Variants in FRMD4A observed in about 807,000 individuals in gnomAD.
The protein encoded by FRMD4A is FERM domain containing 4A.
Under a neutral mutation model 129.1 loss-of-function variants are expected in FRMD4A, and 29 were observed. That is an observed-to-expected ratio of 0.22 (90% CI 0.17 to 0.31). The LOEUF (loss-of-function observed/expected upper bound fraction) is 0.31. FRMD4A is among the 10% of genes least tolerant of loss of function. The probability of loss-of-function intolerance (pLI) is 1.00; values close to 1 mark genes in which losing one functional copy is unlikely to be tolerated. For synonymous variants in FRMD4A, 634 were observed against 571.6 expected (o/e 1.11, Z -1.56); for missense variants, 1,272 against 1,375.8 (o/e 0.92, Z 1.19).
At chr10:13,689,592 C>T (rs1468084513) in intron 15 of FRMD4A, among the ~76,000 whole-genome samples, 2 of 147,124 alleles carry the variant, frequency 1.4e-5, no homozygotes, top group Non-Finnish European at 3.0e-5. Context: ...CACTCTGTCA[C>T]CTAGGCTGTT....
chr10:14,126,403 T>G (rs184917266), intron 2 of FRMD4A, among the ~76,000 whole-genome samples: 128 of 152,234 alleles, frequency 8.4e-4, no homozygotes, highest in African/African-American at 2.8e-3. Context: ...TCTCTTGACC[T>G]TGTGATCCAC....
At chr10:14,065,912 C>T (rs1466555518) in intron 2 of FRMD4A, among the ~76,000 whole-genome samples, 1 of 152,062 alleles carries the variant, frequency 6.6e-6, no homozygotes, top group African/African-American at 2.4e-5. Flanking sequence ...GGGGTCCTAG[C>T]CCCCTGTTAT....
intron 2 of FRMD4A, among the ~76,000 whole-genome samples, chr10:14,309,684 T>C (rs1846473411): frequency 6.6e-6 from 1 of 152,016 alleles, no homozygotes; most frequent in Non-Finnish European, 1.5e-5. Flanking sequence ...CCTGCCTCCA[T>C]ATCTAACAGT....
In FRMD4A at chr10:14,055,457, ACACAAACACACACAC is replaced by A. The variant is rs1834472621; in HGVS notation, c.46-196560_46-196546del. The stretch of plus-strand genomic sequence containing the variant: ...TCTAGCTACACACACACACACACAC[ACACAAACACACACAC>A]ACACACACACACACACACACACACA... On this transcript the variant is annotated intron_variant, in intron 2 of 24. Transcript: ENST00000357447. Among the ~76,000 whole-genome samples, 5 of 105,444 alleles carry A rather than the reference ACACAAACACACACAC, an allele frequency of 4.7e-5. No homozygotes were observed. In the East Asian group the frequency reaches 1.4e-3, roughly 30 times the overall value. 69.2% of individuals were successfully genotyped at this position (105,444 alleles called of 152,430 possible).
intron 2 of FRMD4A, among the ~76,000 whole-genome samples, chr10:14,082,064 G>C (rs927290573): frequency 3.3e-5 from 5 of 152,034 alleles, no homozygotes; most frequent in Non-Finnish European, 7.4e-5. Flanking sequence ...TGGCTAACAT[G>C]GTGAAACCCC....
rs76424763 is a variant in FRMD4A, at chr10:13,854,025, A to C, written c.111+4822T>G. 4.1e-3 allele frequency among the ~76,000 whole-genome samples: 629 copies of C among 152,174 alleles called. 6 individuals carry two copies. The highest frequency in any genetic ancestry group is 4.0e-3 in the Non-Finnish European group (274 of 67,988). ...CAGTCTCACAAGCCTCAAGAGAACC[A>C]AATAAGGAAGGGCCACACCTCAGCC... On this transcript the variant is annotated intron_variant, in intron 3 of 24. Coordinates refer to ENST00000357447, the MANE Select transcript of FRMD4A (RefSeq NM_018027.5).
At chr10:13,938,927 G>T (rs1422723859) in intron 2 of FRMD4A, among the ~76,000 whole-genome samples, 1 of 152,170 alleles carries the variant, frequency 6.6e-6, no homozygotes, top group Non-Finnish European at 1.5e-5. Flanking sequence ...CATGAGATAT[G>T]TTTGATTGTC....
At chr10:13,808,988 C>CGCACACACGCAT (rs2093402683) in intron 4 of FRMD4A, among the ~76,000 whole-genome samples, 1 of 151,922 alleles carries the variant, frequency 6.6e-6, no homozygotes, top group African/African-American at 2.4e-5. Flanking sequence ...CACACACGCA[C>CGCACACACGCAT]GCACACACGC....
At chr10:13,939,615 A>G (rs1457783975) in intron 2 of FRMD4A, among the ~76,000 whole-genome samples, 2 of 152,354 alleles carry the variant, frequency 1.3e-5, no homozygotes, top group South Asian at 2.1e-4. Context: ...TCAATGATAT[A>G]AAAGTATTCT....
chr10:14,175,380 TC>T, intron 2 of FRMD4A, among the ~76,000 whole-genome samples: 1 of 152,268 alleles, frequency 6.6e-6, no homozygotes, highest in East Asian at 1.9e-4. Flanking sequence ...GGCCCCTGCC[TC>T]TTCCTTCATT....
At chr10:13,832,107 C>A (rs1268123266) in intron 3 of FRMD4A, among the ~76,000 whole-genome samples, 1 of 152,128 alleles carries the variant, frequency 6.6e-6, no homozygotes, top group African/African-American at 2.4e-5. Context: ...TCAATTACAC[C>A]AGCAGAACCA....
At chr10:13,990,186 T>A (rs1215182152) in intron 2 of FRMD4A, among the ~76,000 whole-genome samples, 1 of 152,198 alleles carries the variant, frequency 6.6e-6, no homozygotes, top group Non-Finnish European at 1.5e-5. Context: ...GCTCTGAGGA[T>A]CAGAGGAGAA....
chr10:14,173,201 T>C (rs1841564865), intron 2 of FRMD4A, among the ~76,000 whole-genome samples: 2 of 152,202 alleles, frequency 1.3e-5, no homozygotes, highest in Admixed American at 6.5e-5. Context: ...AAGTAATATT[T>C]CTAGCATTAT....
At chr10:13,963,246 T>C (rs1424646131) in intron 2 of FRMD4A, among the ~76,000 whole-genome samples, 3 of 147,682 alleles carry the variant, frequency 2.0e-5, no homozygotes, top group East Asian at 2.0e-4. Flanking sequence ...AATTTACTAA[T>C]TGTTCTTCCT....
At chr10:13,754,380 A>G (rs1159136945) in intron 8 of FRMD4A, among the ~76,000 whole-genome samples, 1 of 152,180 alleles carries the variant, frequency 6.6e-6, no homozygotes, top group African/African-American at 2.4e-5. Context: ...AATAGACTTT[A>G]GTGCACAAAA....
At chr10:14,110,557 C>T (rs1045409031) in intron 2 of FRMD4A, among the ~76,000 whole-genome samples, 23 of 152,016 alleles carry the variant, frequency 1.5e-4, no homozygotes, top group African/African-American at 1.7e-4. Flanking sequence ...TTTATTGAGA[C>T]GGCAAGACTG....
At chr10:14,276,333 A>T (rs919344792) in intron 2 of FRMD4A, among the ~76,000 whole-genome samples, 5 of 152,160 alleles carry the variant, frequency 3.3e-5, no homozygotes, top group African/African-American at 1.2e-4. Flanking sequence ...CAGCTTCATG[A>T]ACTGGTACAG....
At chr10:14,035,532 G>A (rs898435129) in intron 2 of FRMD4A, among the ~76,000 whole-genome samples, 1 of 152,126 alleles carries the variant, frequency 6.6e-6, no homozygotes, top group South Asian at 2.1e-4. Context: ...GAAAACAGGA[G>A]AGATAAAAAT....
At chr10:14,220,551 A>T (rs1843215426) in intron 2 of FRMD4A, among the ~76,000 whole-genome samples, 1 of 152,176 alleles carries the variant, frequency 6.6e-6, no homozygotes, top group Non-Finnish European at 1.5e-5. Flanking sequence ...TCCTACATGA[A>T]ATTCTTCACA....
Sources: allele counts gnomAD v4.1 joint callset (sites outside exome capture counted in the v4.1 genomes callset), GRCh38; gene constraint gnomAD v4.1.1; transcripts MANE v1.5; gene names NCBI Gene and HGNC (gene_info 2026-07-23, HGNC 2026-07-21).